The following TASP1 variants were observed in gnomAD, a reference collection of about 807,000 sequenced individuals.
TASP1 encodes threonine aspartase 1.
TASP1 carries 16 observed loss-of-function variants against 56.6 expected under a neutral mutation model. The observed-to-expected ratio is 0.28, with a 90% CI of 0.19 to 0.43. The LOEUF is 0.43. TASP1 is among the 20% of genes least tolerant of loss of function. The pLI is 1.00. For missense variants in TASP1, 393 were observed against 511.6 expected, an observed-to-expected ratio of 0.77 and a Z score of 2.24; for synonymous variants, 179 against 184.2, an observed-to-expected ratio of 0.97 and a Z score of 0.23.
At chr20:13,394,342 A>G (rs151296597) in intron 13 of TASP1, among the ~76,000 whole-genome samples, 3,367 of 142,042 alleles carry the variant, frequency 0.024, 151 homozygotes, top group African/African-American at 0.081. Context: ...CTGGTGCGGT[A>G]GCTCACGCCT....
At chr20:13,153,193 C>T in the TASP1 span, among the ~76,000 whole-genome samples, 1 of 152,228 alleles carries the variant, frequency 6.6e-6, no homozygotes, top group East Asian at 1.9e-4. Context: ...TGTTTTGAAG[C>T]AGGACCCGAG....
intron 11 of TASP1, among the ~76,000 whole-genome samples, chr20:13,480,646 G>C (rs1380806279): frequency 6.6e-6 from 1 of 152,148 alleles, no homozygotes; most frequent in Non-Finnish European, 1.5e-5. Flanking sequence ...CAGAGTTCAG[G>C]AACTCCTTAG....
At chr20:13,249,798 T>C in the TASP1 span, among the ~76,000 whole-genome samples, 26 of 111,554 alleles carry the variant, frequency 2.3e-4, no homozygotes, top group East Asian at 4.4e-3. Context: ...TTGTTTTGTT[T>C]TGTTTTGTTT....
the TASP1 span, among the ~76,000 whole-genome samples, chr20:13,366,534 C>A: frequency 1.3e-5 from 2 of 152,212 alleles, no homozygotes; most frequent in African/African-American, 4.8e-5. Context: ...AAACACACCA[C>A]ACCCAGACCT....
At chr20:13,299,209 C>T in the TASP1 span, 3 of 1,601,872 alleles carry the variant, frequency 1.9e-6, no homozygotes, top group Non-Finnish European at 2.6e-6. The surrounding 1 kb of genome is among the most constrained non-coding windows in gnomAD (Gnocchi z 5.8). Context: ...ACGCTGGCGG[C>T]ACAGCACTGC....
the TASP1 span, chr20:13,245,122 T>C: frequency 6.6e-6 from 1 of 152,252 alleles, no homozygotes; most frequent in Non-Finnish European, 1.5e-5. Flanking sequence ...CCTTCTTGTA[T>C]TGGTTATCTA....
At chr20:13,120,712 T>G in the TASP1 span, among the ~76,000 whole-genome samples, 25 of 152,218 alleles carry the variant, frequency 1.6e-4, no homozygotes, top group Non-Finnish European at 1.9e-4. Context: ...ACGATACTAC[T>G]AGAGGAAACA....
chr20:13,547,741 C>A (rs143719849), intron 8 of TASP1, among the ~76,000 whole-genome samples: 2 of 152,110 alleles, frequency 1.3e-5, no homozygotes, highest in East Asian at 1.9e-4. Flanking sequence ...AACAGTCCAG[C>A]CACTGAGGGT....
intron 4 of TASP1, among the ~76,000 whole-genome samples, chr20:13,618,869 T>C (rs1188957793): frequency 6.7e-6 from 1 of 149,344 alleles, no homozygotes; most frequent in Non-Finnish European, 1.5e-5. Flanking sequence ...TTCCTATCAC[T>C]ATTCTTTTTT....
At chr20:13,535,802 C>T (rs2045394834) in intron 8 of TASP1, among the ~76,000 whole-genome samples, 1 of 152,136 alleles carries the variant, frequency 6.6e-6, no homozygotes, top group South Asian at 2.1e-4. Context: ...AGTTTTCTAC[C>T]TCTGTTTCGC....
At chr20:13,577,397 C>T (rs1018425315) in intron 6 of TASP1, among the ~76,000 whole-genome samples, 52 of 152,242 alleles carry the variant, frequency 3.4e-4, no homozygotes, top group African/African-American at 8.4e-4. Context: ...AAAATGAACA[C>T]ATCATCAGCA....
At chr20:13,127,759 G>C in the TASP1 span, among the ~76,000 whole-genome samples, 2 of 152,126 alleles carry the variant, frequency 1.3e-5, no homozygotes, top group Admixed American at 6.5e-5. Flanking sequence ...CACTAAAGCA[G>C]GGTAAAGGCC....
At chr20:13,299,802 G>T in the TASP1 span, 1 of 229,572 alleles carries the variant, frequency 4.4e-6, no homozygotes, top group Admixed American at 5.0e-5. The surrounding 1 kb of genome is among the most constrained non-coding windows in gnomAD (Gnocchi z 5.8). Context: ...GGCAAAGGGG[G>T]AAAGAGACTG....
the TASP1 span, among the ~76,000 whole-genome samples, chr20:13,302,836 T>A: frequency 6.6e-6 from 1 of 152,114 alleles, no homozygotes; most frequent in Non-Finnish European, 1.5e-5. Context: ...TGGCTGCACA[T>A]GGGAAGGGTA....
chr20:13,212,064 C>A, the TASP1 span, among the ~76,000 whole-genome samples: 1 of 152,110 alleles, frequency 6.6e-6, no homozygotes. Flanking sequence ...TATGTGGAAA[C>A]AGCATTGTGC....
chr20:13,125,733 G>A, the TASP1 span, among the ~76,000 whole-genome samples: 2 of 152,194 alleles, frequency 1.3e-5, no homozygotes, highest in African/African-American at 2.4e-5. Context: ...TCACATAGCA[G>A]CTGGAGAGAG....
the TASP1 span, among the ~76,000 whole-genome samples, chr20:13,301,606 A>AT: frequency 6.6e-6 from 1 of 152,124 alleles, no homozygotes; most frequent in Non-Finnish European, 1.5e-5. Flanking sequence ...ATCTGAAGCA[A>AT]TTTTTTGCTA....
intron 11 of TASP1, among the ~76,000 whole-genome samples, chr20:13,462,013 A>C (rs570330214): frequency 6.6e-6 from 1 of 152,266 alleles, no homozygotes; most frequent in Admixed American, 6.5e-5. Context: ...GATGGGACAC[A>C]GTTCTAGCCA....
chr20:13,342,676 G>A, the TASP1 span, among the ~76,000 whole-genome samples: 3 of 152,158 alleles, frequency 2.0e-5, no homozygotes, highest in South Asian at 2.1e-4. Flanking sequence ...CTCAGATGAC[G>A]CTGGGCTTGA....
Sources: gnomAD v4.1 joint callset for allele counts (sites outside exome capture counted in the v4.1 genomes callset) on GRCh38, gnomAD v4.1.1 for gene constraint, Gnocchi (gnomAD v3.1) non-coding constraint, MANE v1.5 for transcripts, NCBI Gene and HGNC (gene_info 2026-07-23, HGNC 2026-07-21) for gene names.